The following NFIB variants were observed in gnomAD, a reference collection of about 807,000 sequenced individuals.
NFIB encodes the protein nuclear factor 1 B-type.
NFIB carries 11 observed loss-of-function variants against 61.5 expected under a neutral mutation model. That is an observed-to-expected ratio of 0.18 (90% CI 0.11 to 0.30). The LOEUF is 0.30. Ranked by LOEUF, NFIB falls within the 10% of genes least tolerant of loss-of-function variation. The probability of loss-of-function intolerance (pLI) is 1.00; values close to 1 mark genes in which losing one functional copy is unlikely to be tolerated. For synonymous variants in NFIB, 260 were observed against 216.5 expected (o/e 1.20, Z -1.76); for missense variants, 471 against 608.9 (o/e 0.77, Z 2.38).
the NFIB span, among the ~76,000 whole-genome samples, chr9:14,488,415 T>G: frequency 1.3e-5 from 2 of 151,936 alleles, no homozygotes; most frequent in African/African-American, 4.8e-5. Context: ...AGGTTCCCAG[T>G]CATCATCCAT....
intron 2 of NFIB, chr9:14,204,416 T>C (rs2049399199): frequency 3.5e-6 from 4 of 1,142,942 alleles, no homozygotes; most frequent in Non-Finnish European, 2.6e-6. Flanking sequence ...CTTTGTGAAA[T>C]GGCCCCGCTA....
chr9:14,527,330 G>C, the NFIB span, among the ~76,000 whole-genome samples: 4 of 152,106 alleles, frequency 2.6e-5, no homozygotes, highest in Middle Eastern at 3.4e-3. Context: ...ACTAGTATTC[G>C]ATAAACCATT....
At chr9:14,230,154 A>ATT (rs2052944048) in intron 2 of NFIB, among the ~76,000 whole-genome samples, 2 of 152,286 alleles carry the variant, frequency 1.3e-5, no homozygotes, top group African/African-American at 4.8e-5. Flanking sequence ...GTATAAAAGA[A>ATT]TGGTATAAAA....
At chr9:14,170,233 G>C (rs77091822) in intron 3 of NFIB, among the ~76,000 whole-genome samples, 6,088 of 152,238 alleles carry the variant, frequency 0.04, 379 homozygotes, top group African/African-American at 0.13. Flanking sequence ...CTGTGAGGCA[G>C]AAAATGCTTT....
upstream of NFIB, among the ~76,000 whole-genome samples, chr9:14,318,505 C>CTTTTTTTTTTTTTTTTTTTTTTT (rs34481505): frequency 1.0e-4 from 7 of 66,856 alleles, 2 homozygotes; most frequent in Admixed American, 4.5e-4. Flanking sequence ...CACTCGATGC[C>CTTTTTTTTTTTTTTTTTTTTTTT]TTTTTTTTTT....
At chr9:14,442,633 G>C in the NFIB span, among the ~76,000 whole-genome samples, 1 of 152,064 alleles carries the variant, frequency 6.6e-6, no homozygotes, top group Non-Finnish European at 1.5e-5. Context: ...CCCTGGCTTG[G>C]CATCACTCTA....
At chr9:14,217,550 C>A (rs937145297) in intron 2 of NFIB, among the ~76,000 whole-genome samples, 1 of 150,610 alleles carries the variant, frequency 6.6e-6, no homozygotes, top group East Asian at 2.0e-4. Flanking sequence ...ATCCCAGCTA[C>A]TTGGGAGGCT....
intron 2 of NFIB, among the ~76,000 whole-genome samples, chr9:14,249,316 A>G (rs1438789013): frequency 6.6e-6 from 1 of 152,222 alleles, no homozygotes; most frequent in Non-Finnish European, 1.5e-5. Context: ...AGTGGTGGAG[A>G]TGAGATACTA....
chr9:14,285,519 T>A (rs766833115), intron 2 of NFIB, among the ~76,000 whole-genome samples: 1 of 152,212 alleles, frequency 6.6e-6, no homozygotes, highest in Non-Finnish European at 1.5e-5. Context: ...TTGTCTCTTT[T>A]ACCCTACTGG....
the NFIB span, among the ~76,000 whole-genome samples, chr9:14,504,811 G>C: frequency 8.5e-5 from 13 of 152,200 alleles, no homozygotes; most frequent in East Asian, 2.3e-3. Context: ...TACTGATTTG[G>C]ATGCCGTTGG....
intron 2 of NFIB, among the ~76,000 whole-genome samples, chr9:14,212,493 C>T (rs2050415565): frequency 6.6e-6 from 1 of 152,048 alleles, no homozygotes; most frequent in African/African-American, 2.4e-5. Context: ...GGTTAGAAAA[C>T]AACTAACAAC....
chr9:14,093,865 CACTT>C (rs2034349263), intron 10 of NFIB, among the ~76,000 whole-genome samples: 2 of 152,086 alleles, frequency 1.3e-5, no homozygotes, highest in Admixed American at 1.3e-4. Context: ...AAGGAACAAA[CACTT>C]AAGTTGAATC....
intron 2 of NFIB, among the ~76,000 whole-genome samples, chr9:14,278,644 C>A (rs1240315392): frequency 6.6e-6 from 1 of 152,164 alleles, no homozygotes; most frequent in South Asian, 2.1e-4. Context: ...GAAGCTGGGA[C>A]AGAACCCTGT....
chr9:14,359,357 A>G (rs886184221), intron 1 of NFIB, among the ~76,000 whole-genome samples: 1 of 152,370 alleles, frequency 6.6e-6, no homozygotes, highest in Admixed American at 6.5e-5. Context: ...GGATAAAGGC[A>G]GAAGCAATTT....
chr9:14,091,403 T>C (rs906900494), intron 10 of NFIB, among the ~76,000 whole-genome samples: 1 of 152,064 alleles, frequency 6.6e-6, no homozygotes, highest in Non-Finnish European at 1.5e-5. Flanking sequence ...TAGTGCTTTT[T>C]ATACATCTAA....
chr9:14,177,778 T>A (rs1333850407), intron 3 of NFIB, among the ~76,000 whole-genome samples: 2 of 152,068 alleles, frequency 1.3e-5, no homozygotes, highest in Non-Finnish European at 2.9e-5. Context: ...GGGAAAAAAA[T>A]TAGAGGTGTT....
intron 4 of NFIB, among the ~76,000 whole-genome samples, chr9:14,150,511 T>C (rs2042748791): frequency 6.6e-6 from 1 of 152,076 alleles, no homozygotes; most frequent in Non-Finnish European, 1.5e-5. Context: ...CCGAATCCTA[T>C]TCCTCAACCT....
the NFIB span, among the ~76,000 whole-genome samples, chr9:14,459,742 A>C: frequency 2.0e-5 from 3 of 151,418 alleles, no homozygotes; most frequent in Non-Finnish European, 4.4e-5. Flanking sequence ...GAAGACATTT[A>C]TGCAGCCAAA....
At chr9:14,170,265 A>G (rs1212966145) in intron 3 of NFIB, among the ~76,000 whole-genome samples, 1 of 152,174 alleles carries the variant, frequency 6.6e-6, no homozygotes, top group Non-Finnish European at 1.5e-5. Flanking sequence ...TTGTAGCTGT[A>G]TGTGGCAAAA....
Sources: allele counts gnomAD v4.1 joint callset (sites outside exome capture counted in the v4.1 genomes callset), GRCh38; gene constraint gnomAD v4.1.1; transcripts MANE v1.5; gene names NCBI Gene and HGNC (gene_info 2026-07-23, HGNC 2026-07-21).